LRFN5: variants seen among roughly 807,000 people sequenced by gnomAD.
LRFN5 encodes the protein leucine-rich repeat and fibronectin type-III domain-containing protein 5.
Under a neutral mutation model 45.6 loss-of-function variants are expected in LRFN5, and 24 were observed. The ratio of observed to expected loss-of-function variants is 0.53; its 90% CI spans 0.38 to 0.74. The LOEUF (loss-of-function observed/expected upper bound fraction) is 0.74. LRFN5 is among the 30% of genes least tolerant of loss of function. LRFN5 has a pLI of 0.00. For synonymous variants in LRFN5, 340 were observed against 313.8 expected, an observed-to-expected ratio of 1.08 and a Z score of -0.88; for missense variants, 776 against 861.5, an observed-to-expected ratio of 0.90 and a Z score of 1.24.
chr14:41,617,162 T>A (rs1401587539), intron 1 of LRFN5, among the ~76,000 whole-genome samples: 1 of 152,130 alleles, frequency 6.6e-6, no homozygotes, highest in Non-Finnish European at 1.5e-5. Context: ...GATGCTAATA[T>A]AACTTGGATA....
intron 2 of LRFN5, among the ~76,000 whole-genome samples, chr14:41,848,302 C>T (rs1470232800): frequency 6.6e-6 from 1 of 152,022 alleles, no homozygotes; most frequent in African/African-American, 2.4e-5. Context: ...ACAGCTTTAG[C>T]TTTCCTCATA....
chr14:41,660,289 G>T (rs1429913413), intron 1 of LRFN5, among the ~76,000 whole-genome samples: 6 of 152,082 alleles, frequency 3.9e-5, no homozygotes, highest in Admixed American at 6.6e-5. Context: ...GCCTCCCAAA[G>T]TTCTGGGATT....
chr14:41,802,194 T>C (rs1283452153), intron 2 of LRFN5, among the ~76,000 whole-genome samples: 2 of 152,102 alleles, frequency 1.3e-5, no homozygotes, highest in Non-Finnish European at 2.9e-5. Flanking sequence ...TTAGGGACTA[T>C]TGCAATAGTG....
intron 2 of LRFN5, among the ~76,000 whole-genome samples, chr14:41,859,145 G>A (rs1265370573): frequency 6.6e-6 from 1 of 152,174 alleles, no homozygotes; most frequent in Non-Finnish European, 1.5e-5. Flanking sequence ...TTTGTCAGGT[G>A]AACAAGCTGA....
chr14:41,826,900 A>G (rs1370299054), intron 2 of LRFN5, among the ~76,000 whole-genome samples: 2 of 152,218 alleles, frequency 1.3e-5, no homozygotes, highest in Non-Finnish European at 2.9e-5. Flanking sequence ...GATTCACAAA[A>G]TAAGTAATTA....
At chr14:41,819,151 G>A (rs1360735986) in intron 2 of LRFN5, among the ~76,000 whole-genome samples, 1 of 152,138 alleles carries the variant, frequency 6.6e-6, no homozygotes, top group African/African-American at 2.4e-5. Context: ...TGGACACTTA[G>A]TTTGACTTTG....
At chr14:41,671,198 T>G (rs2138659266) in intron 1 of LRFN5, among the ~76,000 whole-genome samples, 1 of 152,268 alleles carries the variant, frequency 6.6e-6, no homozygotes, top group East Asian at 1.9e-4. Context: ...TCAAGGCATT[T>G]TATAGTTTAA....
intron 5 of LRFN5, among the ~76,000 whole-genome samples, chr14:41,901,432 T>TTGTG (rs3032306): frequency 1.1e-4 from 17 of 147,940 alleles, no homozygotes; most frequent in African/African-American, 2.2e-4. Flanking sequence ...TATGTATGCA[T>TTGTG]TGTGTGTGTG....
At chr14:41,761,662 T>C (rs2121704) in intron 1 of LRFN5, among the ~76,000 whole-genome samples, 2 of 151,834 alleles carry the variant, frequency 1.3e-5, no homozygotes, top group Non-Finnish European at 2.9e-5. Flanking sequence ...GGGATGAAGA[T>C]GTGCCAAAGT....
intron 2 of LRFN5, among the ~76,000 whole-genome samples, chr14:41,858,127 T>C (rs1288196670): frequency 1.3e-5 from 2 of 152,194 alleles, no homozygotes; most frequent in Non-Finnish European, 2.9e-5. Flanking sequence ...TGGAGCCAGC[T>C]GTAGGAAGAA....
intron 1 of LRFN5, among the ~76,000 whole-genome samples, chr14:41,755,231 T>G (rs1885320407): frequency 6.6e-6 from 1 of 152,212 alleles, no homozygotes; most frequent in African/African-American, 2.4e-5. Context: ...CTGAGAAGAA[T>G]GTATATTGTG....
intron 2 of LRFN5, among the ~76,000 whole-genome samples, chr14:41,817,872 G>A (rs1887974819): frequency 6.6e-6 from 1 of 152,042 alleles, no homozygotes; most frequent in Non-Finnish European, 1.5e-5. Context: ...CATAACTGAG[G>A]TTTTCCTATA....
At chr14:41,709,732 A>G (rs1353160001) in intron 1 of LRFN5, among the ~76,000 whole-genome samples, 1 of 152,054 alleles carries the variant, frequency 6.6e-6, no homozygotes, top group Non-Finnish European at 1.5e-5. Flanking sequence ...AAAAGCCAAA[A>G]TAGCATAATA....
rs74045403 is a variant in LRFN5 at position 41,770,484 on chromosome 14, C to A, written c.-21+3455C>A. The stretch of plus-strand genomic sequence containing the variant: ...TCCCAAAATACAATGATGCTACTGG[C>A]ATTGGGTAAGCATTACCATTCCAAA... On this transcript the variant is annotated intron_variant, in intron 2 of 5. Transcript: ENST00000298119. Among the ~76,000 whole-genome samples, 234 of 152,248 alleles carry A rather than the reference C, an allele frequency of 1.5e-3. 1 individual carries two copies. The highest frequency in any genetic ancestry group is 5.4e-3 in the African/African-American group (224 of 41,554).
intron 2 of LRFN5, among the ~76,000 whole-genome samples, chr14:41,867,320 T>A (rs1487561416): frequency 6.6e-6 from 1 of 151,978 alleles, no homozygotes; most frequent in Non-Finnish European, 1.5e-5. Context: ...TCATGTTAAA[T>A]GTTAGTTGGT....
chr14:41,851,326 G>A (rs537811103), intron 2 of LRFN5, among the ~76,000 whole-genome samples: 33 of 151,584 alleles, frequency 2.2e-4, no homozygotes, highest in Admixed American at 1.9e-3. Context: ...TTACTACTCA[G>A]TTTACATGCA....
At chr14:41,629,818 G>A (rs548879738) in intron 1 of LRFN5, among the ~76,000 whole-genome samples, 2 of 152,244 alleles carry the variant, frequency 1.3e-5, no homozygotes, top group South Asian at 2.1e-4. Context: ...TTTCTTCTAA[G>A]TAGCTTCATA....
chr14:41,783,220 A>G (rs1354373123), intron 2 of LRFN5, among the ~76,000 whole-genome samples: 1 of 152,026 alleles, frequency 6.6e-6, no homozygotes, highest in East Asian at 1.9e-4. Flanking sequence ...ATAAGAATGT[A>G]GGGGGAGACT....
intron 2 of LRFN5, among the ~76,000 whole-genome samples, chr14:41,781,830 T>C (rs1886540481): frequency 6.6e-6 from 1 of 152,098 alleles, no homozygotes; most frequent in Admixed American, 6.6e-5. Flanking sequence ...AGGTTGTTGG[T>C]CTTGTTTTTC....
Sources: allele counts gnomAD v4.1 joint callset (sites outside exome capture counted in the v4.1 genomes callset), GRCh38; gene constraint gnomAD v4.1.1; transcripts MANE v1.5; gene names NCBI Gene and HGNC (gene_info 2026-07-23, HGNC 2026-07-21).